Variants in HEMK1 observed in about 807,000 individuals in gnomAD.
The protein encoded by HEMK1 is MTRF1L release factor glutamine methyltransferase.
A neutral mutation model predicts 47.9 loss-of-function variants in HEMK1; 36 were observed. The ratio of observed to expected loss-of-function variants is 0.75; its 90% CI spans 0.58 to 0.99. The LOEUF (loss-of-function observed/expected upper bound fraction) is 0.99, where lower values mean the gene tolerates loss of function less well. Among genes scored for constraint, HEMK1 ranks in the 50% least tolerant of loss-of-function variants. HEMK1 has a pLI of 0.00. For missense variants in HEMK1, 383 were observed against 434.5 expected (o/e 0.88, Z 1.05); for synonymous variants, 153 against 165.4 (o/e 0.93, Z 0.57).
intron 5 of HEMK1, 26 bp downstream of exon 5, chr3:50,577,212 A>G: frequency 6.3e-7 from 1 of 1,593,154 alleles, no homozygotes; most frequent in South Asian, 1.1e-5. Context: ...CACTCTGGAT[A>G]GACTGTGACT....
chr3:50,570,847 CACA>C (rs1242419837), intron 1 of HEMK1, 81 bp from the exon 2 acceptor site: 2 of 386,820 alleles, frequency 5.2e-6, no homozygotes, highest in African/African-American at 4.2e-5. Flanking sequence ...AGAGCAAGAG[CACA>C]ACTATTCTCA....
chr3:50,572,233 A>G, intron 4 of HEMK1, 25 bp downstream of exon 4: 1 of 1,601,546 alleles, frequency 6.2e-7, no homozygotes, highest in Non-Finnish European at 8.5e-7. Context: ...AGGGCAAGGC[A>G]GGATCAGGAT....
chr3:50,577,756 A>G, intron 6 of HEMK1, 70 bp from the exon 7 acceptor site: 4 of 1,528,948 alleles, frequency 2.6e-6, no homozygotes, highest in Non-Finnish European at 2.7e-6. Context: ...GGTTGACTAT[A>G]AGACCTCATT....
In HEMK1 at chr3:50,571,139, T is replaced by A; in HGVS notation, c.35T>A (p.Leu12Gln). The change falls in exon 2 of 11, where the codon CTG becomes CAG. Residue 12 changes from leucine to glutamine, a missense_variant. By Grantham distance (113) the Leu-to-Gln change is moderately radical. Transcript: ENST00000232854. ...ELWGRMLWAL[L>Q]SGPGRRGSTR... ...TGGGGCCGAATGCTGTGGGCCCTCC[T>A]GTCTGGCCCAGGGAGGAGGGGAAGT... The A allele has an allele frequency of 6.2e-7, 1 of 1,610,788 alleles. No individual in the cohort carries two copies. The highest frequency in any genetic ancestry group is 8.5e-7 in the Non-Finnish European group (1 of 1,178,466).
rs1032111207 is a variant in HEMK1 at position 50,592,439 on chromosome 3, C to T, written c.*12022C>T. The T allele has an allele frequency of 2.0e-5, 3 of 152,236 alleles. No individual in the cohort carries two copies. Among genetic ancestry groups the T allele is most frequent in the African/African-American group, 7.2e-5 (3 of 41,444 alleles). 9.4% of individuals were successfully genotyped at this position (152,236 alleles called of 1,614,324 possible). A position where few individuals can be genotyped will look rare whatever the true frequency, so the allele number is the denominator to read the frequency against. ...TGGAACTCATTCTCCCTGCCACCCT[C>T]CCTCCCTGATTCCTTGAATAAAATT... On this transcript the variant is annotated 3_prime_UTR_variant, in exon 11 of 11. Coordinates refer to ENST00000232854, the MANE Select transcript of HEMK1 (RefSeq NM_016173.5).
rs2031394171 is a variant in HEMK1, at chr3:50,586,724, G to C, written c.*6307G>C. 1 of 152,136 alleles carries C rather than the reference G, an allele frequency of 6.6e-6. No homozygotes were observed. Among genetic ancestry groups the C allele is most frequent in the Non-Finnish European group, 1.5e-5 (1 of 68,086 alleles). 9.4% of individuals were successfully genotyped at this position (152,136 alleles called of 1,614,324 possible). On this transcript the variant is annotated 3_prime_UTR_variant, in exon 11 of 11. Coordinates refer to ENST00000232854, the MANE Select transcript of HEMK1 (RefSeq NM_016173.5). ...CTGAGGCTTAGCAGGACAGGAGCAG[G>C]GCTGGGGCACGAGCCAGGTCTCTTC...
intron 2 of HEMK1, 59 bp downstream of exon 2, chr3:50,571,391 G>A: frequency 7.6e-7 from 1 of 1,316,796 alleles, no homozygotes; most frequent in South Asian, 1.4e-5. Flanking sequence ...TTGGGGAAGG[G>A]ATATCCAGGT....
At position 50,594,918 on chromosome 3, in the gene HEMK1, T is replaced by G. The variant is rs1436192392; in HGVS notation, c.*14501T>G. 4.0e-5 allele frequency: 6 copies of G among 151,822 alleles called. No homozygotes were observed. The highest frequency in any genetic ancestry group is 1.2e-4 in the African/African-American group (5 of 41,330). 9.4% of individuals were successfully genotyped at this position (151,822 alleles called of 1,614,324 possible). A position where few individuals can be genotyped will look rare whatever the true frequency, so the allele number is the denominator to read the frequency against. On this transcript the variant is annotated 3_prime_UTR_variant, in exon 11 of 11. Coordinates refer to ENST00000232854, the MANE Select transcript of HEMK1 (RefSeq NM_016173.5). ...TTATCCGACTTTCTTTTTTTTTTTT[T>G]GAGACAGAGTCTCATTCTGTTGCCA...
intron 4 of HEMK1, among the ~76,000 whole-genome samples, chr3:50,574,619 C>T (rs1559456848): frequency 6.6e-6 from 1 of 152,158 alleles, no homozygotes; most frequent in Non-Finnish European, 1.5e-5. Context: ...AACTGGTCAC[C>T]CTACCAACCT....
rs2031517614 is a variant in HEMK1, at chr3:50,588,356, T to C, written c.*7939T>C. ...TCACACAGCCAGCAGCTGGCCATGCTGGAGTTTGAACCTAGTCCTCTGACA... is the reference window on the plus strand; with the variant it reads ...TCACACAGCCAGCAGCTGGCCATGCCGGAGTTTGAACCTAGTCCTCTGACA... On this transcript the variant is annotated 3_prime_UTR_variant, in exon 11 of 11. Coordinates refer to ENST00000232854, the MANE Select transcript of HEMK1 (RefSeq NM_016173.5). 1 of 152,222 alleles carries C rather than the reference T, an allele frequency of 6.6e-6. No individual in the cohort carries two copies. Among genetic ancestry groups the C allele is most frequent in the Non-Finnish European group, 1.5e-5 (1 of 68,052 alleles). 9.4% of individuals were successfully genotyped at this position (152,222 alleles called of 1,614,324 possible).
rs2031554264 is a variant in HEMK1 at position 50,588,771 on chromosome 3, A to T, written c.*8354A>T. 1 of 152,238 alleles carries T rather than the reference A, an allele frequency of 6.6e-6. No homozygotes were observed. The highest frequency in any genetic ancestry group is 2.4e-5 in the African/African-American group (1 of 41,462). The allele number at this position is 152,238 out of a possible 1,614,324, so 9.4% of individuals were successfully genotyped here. On this transcript the variant is annotated 3_prime_UTR_variant, in exon 11 of 11. Coordinates refer to ENST00000232854, the MANE Select transcript of HEMK1 (RefSeq NM_016173.5). ...GTGAGGATATGAAGTTTGCCTTGTC[A>T]TGGGGAGCATTTCAGGTCCCTAGGC... is the stretch of plus-strand genomic sequence containing the variant.
At position 50,587,549 on chromosome 3, in the gene HEMK1, T is replaced by A. The variant is rs1575969356; in HGVS notation, c.*7132T>A. The A allele has an allele frequency of 6.6e-6, 1 of 152,230 alleles. No homozygotes were observed. Among genetic ancestry groups the A allele is most frequent in the South Asian group, 2.1e-4 (1 of 4,826 alleles). The allele number at this position is 152,230 out of a possible 1,614,324, so 9.4% of individuals were successfully genotyped here. ...AGCTGTGATTCTGGCATAGGCTGAGTGACCTGGAGCTGGAGGCCTTAGTCA... is the reference window on the plus strand; with the variant it reads ...AGCTGTGATTCTGGCATAGGCTGAGAGACCTGGAGCTGGAGGCCTTAGTCA... On this transcript the variant is annotated 3_prime_UTR_variant, in exon 11 of 11. Transcript: ENST00000232854. This position sits in a 1 kb window ranked among gnomAD's most constrained non-coding sequence, Gnocchi z 4.2.
chr3:50,571,121 G>T lies in HEMK1; in HGVS notation c.17G>T (p.Arg6Leu), dbSNP rs774515051. MELWG[R>L]MLWALLSGPG... The stretch of plus-strand genomic sequence containing the variant: ...CCCTGAGACATGGAGCTTTGGGGCC[G>T]AATGCTGTGGGCCCTCCTGTCTGGC... Residue 6 changes from arginine (R) to leucine (L), a missense_variant, in exon 2 of 11, where the codon CGA (arginine) becomes CTA (leucine). By Grantham distance (102) the Arg-to-Leu change is moderately radical. Transcript: ENST00000232854. 1.3e-6 allele frequency: 2 copies of T among 1,596,670 alleles called. No homozygotes were observed. Among genetic ancestry groups the T allele is most frequent in the East Asian group, 4.5e-5 (2 of 44,618 alleles).
chr3:50,577,668 G>A, intron 6 of HEMK1, 95 bp downstream of exon 6: 7 of 1,420,036 alleles, frequency 4.9e-6, no homozygotes. Context: ...GAAGGAGGAA[G>A]CAGTGGGGTA....
At position 50,593,996 on chromosome 3, in the gene HEMK1, G is replaced by A. The variant is rs911035246; in HGVS notation, c.*13579G>A. 3 of 152,140 alleles carry A rather than the reference G, an allele frequency of 2.0e-5. No individual in the cohort carries two copies. Among genetic ancestry groups the A allele is most frequent in the Non-Finnish European group, 4.4e-5 (3 of 68,044 alleles). 9.4% of individuals were successfully genotyped at this position (152,140 alleles called of 1,614,324 possible). ...CCACCTCGGCCTCCCAAAATGCTGG[G>A]ATTACAGGCCTGAGCCACCACACCC... On this transcript the variant is annotated 3_prime_UTR_variant, in exon 11 of 11. Coordinates refer to ENST00000232854, the MANE Select transcript of HEMK1 (RefSeq NM_016173.5).
intron 8 of HEMK1, among the ~76,000 whole-genome samples, chr3:50,579,250 A>G (rs1021636206): frequency 2.0e-5 from 3 of 152,218 alleles, no homozygotes; most frequent in Non-Finnish European, 2.9e-5. Context: ...TGGAGGGCTC[A>G]TACAGGGTGC....
chr3:50,576,909 A>G lies in HEMK1; in HGVS notation c.415-143A>G, dbSNP rs991198288. The stretch of plus-strand genomic sequence containing the variant: ...CCTGGAGGGGCAGGGTGACTTGGCC[A>G]TGCCCCAGCTGACATGAAGGTCAGT... On this transcript the variant is annotated intron_variant, in intron 4 of 10. Coordinates refer to ENST00000232854, the MANE Select transcript of HEMK1 (RefSeq NM_016173.5). 5.1e-6 allele frequency: 5 copies of G among 977,854 alleles called. No homozygotes were observed. In the African/African-American group the frequency reaches 8.2e-5, roughly 16 times the overall value. The allele number at this position is 977,854 out of a possible 1,614,324, so 60.6% of individuals were successfully genotyped here.
Position 50,592,098 on chromosome 3 carries a change from A to T in HEMK1, c.*11681A>T, listed in dbSNP as rs1472475851. 1 of 149,988 alleles carries T rather than the reference A, an allele frequency of 6.7e-6. No individual in the cohort carries two copies. Among genetic ancestry groups the T allele is most frequent in the Non-Finnish European group, 1.5e-5 (1 of 67,532 alleles). The allele number at this position is 149,988 out of a possible 1,614,324, so 9.3% of individuals were successfully genotyped here. A position where few individuals can be genotyped will look rare whatever the true frequency, so the allele number is the denominator to read the frequency against. On this transcript the variant is annotated 3_prime_UTR_variant, in exon 11 of 11. Coordinates refer to ENST00000232854, the MANE Select transcript of HEMK1 (RefSeq NM_016173.5). ...CCTGGACGACAGAGTGAGACTCCGCATCAGAAAAAAAAAAAAAAGAAAGAA... is the reference window on the plus strand; with the variant it reads ...CCTGGACGACAGAGTGAGACTCCGCTTCAGAAAAAAAAAAAAAAGAAAGAA...
At position 50,578,863 on chromosome 3, in the gene HEMK1, T is replaced by G. The variant is rs746889053; in HGVS notation, c.707T>G (p.Ile236Ser). Residue 236 changes from isoleucine to serine, a missense_variant, in exon 8 of 11, where the codon ATT becomes AGT. Coordinates refer to ENST00000232854, the MANE Select transcript of HEMK1 (RefSeq NM_016173.5). The stretch of plus-strand genomic sequence containing the variant: ...CTGCCCTGGGGCCCCATGGACCTGA[T>G]TGTCAGCAACCCTCCCTACGTCTTC... ...THLPWGPMDL[I>S]VSNPPYVFHQ... The G allele has an allele frequency of 6.2e-7, 1 of 1,613,392 alleles. No homozygotes were observed. The highest frequency in any genetic ancestry group is 1.1e-5 in the South Asian group (1 of 90,882).
Sources: allele counts gnomAD v4.1 joint callset (sites outside exome capture counted in the v4.1 genomes callset), GRCh38; gene constraint gnomAD v4.1.1; non-coding constraint Gnocchi (gnomAD v3.1); transcripts MANE v1.5; gene names NCBI Gene and HGNC (gene_info 2026-07-23, HGNC 2026-07-21).